KIF26B: variants seen among roughly 807,000 people sequenced by gnomAD.
KIF26B encodes the protein kinesin family member 26B.
A neutral mutation model predicts 151.2 loss-of-function variants in KIF26B; 63 were observed. That is an observed-to-expected ratio of 0.42 (90% confidence interval 0.34 to 0.51). The LOEUF (loss-of-function observed/expected upper bound fraction) is 0.51. Among genes scored for constraint, KIF26B ranks in the 20% least tolerant of loss-of-function variants. The pLI is 0.07. For synonymous variants in KIF26B, 1,357 were observed against 1,262.1 expected (o/e 1.08, Z -1.59); for missense variants, 2,813 against 2,913.6 (o/e 0.97, Z 0.79).
At chr1:245,561,967 G>A (rs1046815992) in intron 5 of KIF26B, among the ~76,000 whole-genome samples, 9 of 152,156 alleles carry the variant, frequency 5.9e-5, no homozygotes, top group Non-Finnish European at 1.0e-4. Flanking sequence ...TTCTTGCTGT[G>A]GATGCTGAAG....
At chr1:245,344,659 A>G (rs1425277726) in intron 2 of KIF26B, among the ~76,000 whole-genome samples, 1 of 151,662 alleles carries the variant, frequency 6.6e-6, no homozygotes, top group Non-Finnish European at 1.5e-5. Flanking sequence ...CCACTTCTCT[A>G]TTGCCCAGTT....
Position 245,197,315 on chromosome 1 carries a change from T to C in KIF26B, c.465+40632T>C, listed in dbSNP as rs188954150. Among the ~76,000 whole-genome samples, 168 of 152,314 alleles carry C rather than the reference T, an allele frequency of 1.1e-3. 1 individual carries two copies. Among genetic ancestry groups the C allele is most frequent in the African/African-American group, 3.9e-3 (163 of 41,560 alleles). On this transcript the variant is annotated intron_variant, in intron 2 of 14. Transcript: ENST00000407071. ...TGGTGTGTGGCATAGCTTAAACCTCTTTATTATCCTTCAGCACTTAGCTTT... is the reference window on the plus strand; with the variant it reads ...TGGTGTGTGGCATAGCTTAAACCTCCTTATTATCCTTCAGCACTTAGCTTT...
At chr1:245,202,006 CTA>C (rs2103538410) in intron 2 of KIF26B, among the ~76,000 whole-genome samples, 1 of 152,222 alleles carries the variant, frequency 6.6e-6, no homozygotes, top group African/African-American at 2.4e-5. Flanking sequence ...GCCTGTTGGT[CTA>C]TGTTATGTTG....
At chr1:245,404,811 G>T (rs149193644) in intron 3 of KIF26B, among the ~76,000 whole-genome samples, 4 of 152,202 alleles carry the variant, frequency 2.6e-5, no homozygotes, top group African/African-American at 7.2e-5. Flanking sequence ...GAGCAGGGAA[G>T]TGATGAGAAA....
intron 2 of KIF26B, among the ~76,000 whole-genome samples, chr1:245,253,781 T>G (rs1260681918): frequency 6.7e-6 from 1 of 150,038 alleles, no homozygotes; most frequent in East Asian, 1.9e-4. Context: ...TTTTCCTGTC[T>G]ATAGACTTTG....
chr1:245,393,912 G>T (rs950771151), intron 3 of KIF26B, among the ~76,000 whole-genome samples: 1 of 152,184 alleles, frequency 6.6e-6, no homozygotes, highest in Non-Finnish European at 1.5e-5. Flanking sequence ...GGGAGGTACA[G>T]TCACCCAGCT....
At chr1:245,621,041 G>A (rs1325503769) in intron 9 of KIF26B, among the ~76,000 whole-genome samples, 3 of 152,098 alleles carry the variant, frequency 2.0e-5, no homozygotes, top group Non-Finnish European at 4.4e-5. Context: ...CCCAAACTTA[G>A]CTACACATTA....
intron 2 of KIF26B, among the ~76,000 whole-genome samples, chr1:245,172,591 C>A (rs1396252230): frequency 1.3e-5 from 2 of 152,112 alleles, no homozygotes; most frequent in African/African-American, 4.8e-5. Context: ...GGGCAGATCA[C>A]CTGAGGTCAG....
intron 4 of KIF26B, among the ~76,000 whole-genome samples, chr1:245,456,823 GC>G (rs1268858995): frequency 1.3e-5 from 2 of 152,190 alleles, no homozygotes; most frequent in African/African-American, 2.4e-5. Context: ...TACCCAAGGG[GC>G]TACATAAATG....
rs1442656888 is a variant in KIF26B, at chr1:245,564,210, TG to T, written c.1350+23263del. On this transcript the variant is annotated intron_variant, in intron 5 of 14. Transcript: ENST00000407071. This position sits in a 1 kb window ranked among gnomAD's most constrained non-coding sequence, Gnocchi z 4.6. ...TCTTGTGACTCTGAGTCTCTGCCCC[TG>T]GGTTCACGCCACTTAGAATGAGCTT... Among the ~76,000 whole-genome samples the T allele has an allele frequency of 2.0e-4, 30 of 152,108 alleles. No individual in the cohort carries two copies. The highest frequency in any genetic ancestry group is 1.5e-5 in the Non-Finnish European group (1 of 68,032).
intron 10 of KIF26B, among the ~76,000 whole-genome samples, chr1:245,650,295 C>T (rs917313135): frequency 6.6e-6 from 1 of 152,218 alleles, no homozygotes; most frequent in African/African-American, 2.4e-5. Context: ...CTCTTGGGCA[C>T]CAAGGTGCTA....
In KIF26B at chr1:245,702,972, T is replaced by C; in HGVS notation, c.*366T>C. ...GAGGGGCGTGGATGTAGGATTGCTG[T>C]GGAAAGCGAACACAAAACAACCCAG... On this transcript the variant is annotated 3_prime_UTR_variant, in exon 15 of 15. Transcript: ENST00000407071. The surrounding 1 kb of genome is among the most constrained non-coding windows in gnomAD (Gnocchi z 4.1). The C allele has an allele frequency of 4.7e-6, 1 of 211,268 alleles. No homozygotes were observed. 13.1% of individuals were successfully genotyped at this position (211,268 alleles called of 1,614,324 possible). A position where few individuals can be genotyped will look rare whatever the true frequency, so the allele number is the denominator to read the frequency against.
intron 4 of KIF26B, among the ~76,000 whole-genome samples, chr1:245,503,462 T>C (rs1235775754): frequency 6.6e-6 from 1 of 152,220 alleles, no homozygotes; most frequent in Non-Finnish European, 1.5e-5. Context: ...TCCATACAGA[T>C]CTAACTAAAT....
In KIF26B at chr1:245,601,907, G is replaced by A. The variant is rs1261097716; in HGVS notation, c.1351-670G>A. 2.0e-5 allele frequency among the ~76,000 whole-genome samples: 3 copies of A among 152,170 alleles called. No individual in the cohort carries two copies. The highest frequency in any genetic ancestry group is 7.2e-5 in the African/African-American group (3 of 41,430). The stretch of plus-strand genomic sequence containing the variant: ...CCAGAGGTGCTCAGTGTTCAATCAC[G>A]CAGAAAGTGGGCTAAAGGGCAGCGC... On this transcript the variant is annotated intron_variant, in intron 5 of 14. Coordinates refer to ENST00000407071, the MANE Select transcript of KIF26B (RefSeq NM_018012.4). The surrounding 1 kb of genome is among the most constrained non-coding windows in gnomAD (Gnocchi z 4.4).
intron 4 of KIF26B, among the ~76,000 whole-genome samples, chr1:245,503,903 C>T (rs994343510): frequency 2.1e-4 from 32 of 152,170 alleles, no homozygotes; most frequent in African/African-American, 7.5e-4. Context: ...CTTTCCCAGG[C>T]GTTGGTCAGA....
intron 3 of KIF26B, among the ~76,000 whole-genome samples, chr1:245,396,708 A>T (rs1673853848): frequency 6.6e-6 from 1 of 152,118 alleles, no homozygotes; most frequent in South Asian, 2.1e-4. Flanking sequence ...ATGAACCATG[A>T]ATATAGATGC....
chr1:245,665,855 T>C (rs1215226488), intron 10 of KIF26B, among the ~76,000 whole-genome samples: 2 of 152,040 alleles, frequency 1.3e-5, no homozygotes, highest in Non-Finnish European at 2.9e-5. Flanking sequence ...CAGCTAATTT[T>C]TGTATTTTTG....
chr1:245,419,438 A>G, intron 3 of KIF26B, 141 bp from the exon 4 acceptor site: 2 of 604,076 alleles, frequency 3.3e-6, no homozygotes, highest in Non-Finnish European at 5.5e-6. Flanking sequence ...AGTAGCCCTA[A>G]GCATCCACGT....
At chr1:245,425,266 C>A (rs1252843992) in intron 4 of KIF26B, among the ~76,000 whole-genome samples, 1 of 152,124 alleles carries the variant, frequency 6.6e-6, no homozygotes, top group African/African-American at 2.4e-5. Flanking sequence ...GGCAGTGGAA[C>A]CTTCATGTAT....
Sources: allele counts gnomAD v4.1 joint callset (sites outside exome capture counted in the v4.1 genomes callset), GRCh38; gene constraint gnomAD v4.1.1; non-coding constraint Gnocchi (gnomAD v3.1); transcripts MANE v1.5; gene names NCBI Gene and HGNC (gene_info 2026-07-23, HGNC 2026-07-21).